The following SLC12A9 variants were observed in gnomAD, a reference collection of about 807,000 sequenced individuals.
SLC12A9 encodes the protein CCC-interacting protein 1.
Under a neutral mutation model 66.0 loss-of-function variants are expected in SLC12A9, and 55 were observed. The ratio of observed to expected loss-of-function variants is 0.83; its 90% CI spans 0.67 to 1.04. SLC12A9 has a LOEUF of 1.04. Among genes scored for constraint, SLC12A9 ranks in the 50% least tolerant of loss-of-function variants. SLC12A9 has a pLI of 0.00. For synonymous variants in SLC12A9, 577 were observed against 569.0 expected, an observed-to-expected ratio of 1.01 and a Z score of -0.20; for missense variants, 1,061 against 1,241.9, an observed-to-expected ratio of 0.85 and a Z score of 2.19.
chr7:100,840,992 CA>C (rs1029139132), intron 1 of SLC12A9, among the ~76,000 whole-genome samples: 7 of 135,006 alleles, frequency 5.2e-5, no homozygotes, highest in Non-Finnish European at 4.8e-5. Flanking sequence ...TTGCTAACAA[CA>C]AAAAAAAAGT....
At chr7:100,844,201 A>G (rs1275592203) in intron 1 of SLC12A9, among the ~76,000 whole-genome samples, 1 of 152,202 alleles carries the variant, frequency 6.6e-6, no homozygotes, top group African/African-American at 2.4e-5. Context: ...CTATGGTCCT[A>G]TTATTTTACA....
At chr7:100,828,138 T>A (rs1225599517) in intron 1 of SLC12A9, among the ~76,000 whole-genome samples, 1 of 152,144 alleles carries the variant, frequency 6.6e-6, no homozygotes, top group East Asian at 1.9e-4. Context: ...AAACATTCAG[T>A]GTTGGGGACC....
At chr7:100,850,814 T>C (rs1357015429), upstream of SLC12A9, among the ~76,000 whole-genome samples, 1 of 150,934 alleles carries the variant, frequency 6.6e-6, no homozygotes, top group African/African-American at 2.4e-5. Context: ...CCGCCTCCCG[T>C]GTTCAAGCTA....
intron 3 of SLC12A9, 64 bp downstream of exon 3, chr7:100,854,818 G>T (rs769474914): frequency 1.3e-6 from 2 of 1,589,132 alleles, no homozygotes; most frequent in Admixed American, 1.8e-5. Flanking sequence ...GGTGTGGAAG[G>T]GGCCATTACC....
At chr7:100,865,149 C>A in intron 13 of SLC12A9, 2 of 975,528 alleles carry the variant, frequency 2.1e-6, no homozygotes, top group South Asian at 1.4e-5. Flanking sequence ...GTAGAGATAG[C>A]ATTTCACCGT....
chr7:100,837,962 G>A (rs1475672345), intron 1 of SLC12A9, among the ~76,000 whole-genome samples: 1 of 141,190 alleles, frequency 7.1e-6, no homozygotes, highest in Non-Finnish European at 1.5e-5. Flanking sequence ...CTGGGTTCAC[G>A]CCATTCTCCT....
intron 1 of SLC12A9, among the ~76,000 whole-genome samples, chr7:100,827,795 G>A (rs1207023372): frequency 6.6e-6 from 1 of 152,210 alleles, no homozygotes; most frequent in Non-Finnish European, 1.5e-5. Flanking sequence ...CGAGCATGTC[G>A]GGGCTGGGGC....
At position 100,854,726 on chromosome 7, in the gene SLC12A9, T is replaced by C. The variant is rs1281007472; in HGVS notation, c.288T>C (p.Asn96=). 1 of 1,614,082 alleles carries C rather than the reference T, an allele frequency of 6.2e-7. No homozygotes were observed. The highest frequency in any genetic ancestry group is 2.2e-5 in the East Asian group (1 of 44,876). ...TVLSVCAIAT[N]GAVQGGGAYF... is the part of the protein sequence containing the mutation. The stretch of plus-strand genomic sequence containing the variant: ...TCTCTGTCTGTGCCATCGCCACCAA[T>C]GGAGCCGTGCAGGGGGGCGGAGCCT... The change falls in exon 3 of 14, where the codon AAT becomes AAC. Residue 96 remains asparagine, a synonymous_variant. Transcript: ENST00000354161.
intron 13 of SLC12A9, among the ~76,000 whole-genome samples, chr7:100,863,594 G>A (rs1242159164): frequency 1.3e-5 from 2 of 152,184 alleles, no homozygotes; most frequent in Non-Finnish European, 2.9e-5. Context: ...TTGGGATGTA[G>A]GAGATGTAAC....
chr7:100,832,397 T>TCA (rs1277666014), intron 1 of SLC12A9, among the ~76,000 whole-genome samples: 1 of 151,856 alleles, frequency 6.6e-6, no homozygotes, highest in Non-Finnish European at 1.5e-5. Context: ...CTATGGTCTC[T>TCA]CAGACACTGG....
chr7:100,865,642 G>C, intron 13 of SLC12A9, 77 bp from the exon 14 acceptor site: 1 of 1,556,908 alleles, frequency 6.4e-7, no homozygotes, highest in Non-Finnish European at 8.7e-7. Flanking sequence ...CTTGCTGTCA[G>C]TGTGTGGGAG....
At chr7:100,857,987 G>A (rs141115878) in intron 5 of SLC12A9, 1,538 of 152,102 alleles carry the variant, frequency 0.01, 17 homozygotes, top group African/African-American at 0.035. Flanking sequence ...GTGGTGGTGC[G>A]CACCTGTAGT....
chr7:100,861,878 T>G lies in SLC12A9; in HGVS notation c.1678T>G (p.Tyr560Asp). 6.2e-7 allele frequency: 1 copy of G among 1,612,516 alleles called. No individual in the cohort carries two copies. Among genetic ancestry groups the G allele is most frequent in the Non-Finnish European group, 8.5e-7 (1 of 1,179,284 alleles). Reference protein sequence around the residue: ...LANQLKKGGLYVLGHVTLGDL... With the variant: ...LANQLKKGGLDVLGHVTLGDL... ...CAACCAGCTTAAGAAGGGGGGGCTG[T>G]ATGTGCTGGGCCACGTCACCCTGGG... Residue 560 changes from tyrosine (Y) to aspartate (D), a missense_variant, in exon 12 of 14, where the codon TAT becomes GAT. By Grantham distance (160) the Tyr-to-Asp change is radical. Coordinates refer to ENST00000354161, the MANE Select transcript of SLC12A9 (RefSeq NM_020246.4). This position sits in a 1 kb window ranked among gnomAD's most constrained non-coding sequence, Gnocchi z 5.3.
rs1349808492 is a variant in SLC12A9 at position 100,861,195 on chromosome 7, C to T, written c.1276C>T (p.Leu426=). ...GGCTGCTGTGGTCACTGTCTTCTAC[C>T]TGGTGGCCTATGCTGCCGTGGACCT... ...TLAAVVTVFY[L]VAYAAVDLSC... Residue 426 remains leucine, a synonymous_variant, in exon 10 of 14, where the codon CTG becomes TTG. Coordinates refer to ENST00000354161, the MANE Select transcript of SLC12A9 (RefSeq NM_020246.4). This position sits in a 1 kb window ranked among gnomAD's most constrained non-coding sequence, Gnocchi z 5.3. 1 of 1,614,112 alleles carries T rather than the reference C, an allele frequency of 6.2e-7. No individual in the cohort carries two copies. The highest frequency in any genetic ancestry group is 2.2e-5 in the East Asian group (1 of 44,886).
chr7:100,866,393 C>G lies in SLC12A9; in HGVS notation c.2533C>G (p.Gln845Glu), dbSNP rs994911013. Reference protein sequence around the residue: ...RSANALVRAQQGRGTGGGPGG... With the variant: ...RSANALVRAQEGRGTGGGPGG... The stretch of plus-strand genomic sequence containing the variant: ...CGCCAACGCCCTGGTTCGGGCCCAG[C>G]AGGGGCGCGGCACAGGAGGAGGGCC... The change falls in exon 14 of 14, where the codon CAG becomes GAG. Residue 845 changes from glutamine (Q) to glutamate (E), a missense_variant. Transcript: ENST00000354161. The surrounding 1 kb of genome is among the most constrained non-coding windows in gnomAD (Gnocchi z 7.3). 3 of 1,533,192 alleles carry G rather than the reference C, an allele frequency of 2.0e-6. No homozygotes were observed. Among genetic ancestry groups the G allele is most frequent in the African/African-American group, 2.7e-5 (2 of 72,758 alleles). 95.0% of individuals were successfully genotyped at this position (1,533,192 alleles called of 1,614,324 possible).
intron 3 of SLC12A9, 92 bp downstream of exon 3, chr7:100,854,846 A>C: frequency 6.6e-7 from 1 of 1,523,644 alleles, no homozygotes; most frequent in Non-Finnish European, 8.8e-7. Context: ...GCTCAGGGGC[A>C]AGACAAGTGT....
rs751214100 is a variant in SLC12A9 at position 100,859,909 on chromosome 7, G to T, written c.1002G>T (p.Gly334=). Residue 334 remains glycine (G), a synonymous_variant, in exon 8 of 14, where the codon GGG becomes GGT. Transcript: ENST00000354161. ...GGACCCTGCTGCAGGAAGACTATGGGTTCTTCCGCGCCATCAGCCTGTGGC... is the reference window on the plus strand; with the variant it reads ...GGACCCTGCTGCAGGAAGACTATGGTTTCTTCCGCGCCATCAGCCTGTGGC... ...CDRTLLQEDY[G]FFRAISLWPP... is the part of the protein sequence containing the mutation. 1 of 1,604,604 alleles carries T rather than the reference G, an allele frequency of 6.2e-7. No homozygotes were observed. The highest frequency in any genetic ancestry group is 1.3e-5 in the African/African-American group (1 of 74,740).
intron 13 of SLC12A9, among the ~76,000 whole-genome samples, chr7:100,864,664 A>T (rs907739990): frequency 3.3e-5 from 5 of 152,144 alleles, no homozygotes; most frequent in Non-Finnish European, 7.4e-5. Flanking sequence ...CTCACGCTGG[A>T]TGGAGGCGGA....
In SLC12A9 at chr7:100,861,531, C is replaced by T. The variant is rs760730107; in HGVS notation, c.1483C>T (p.Arg495Ter). 17 of 1,613,676 alleles carry T rather than the reference C, an allele frequency of 1.1e-5. No homozygotes were observed. Among genetic ancestry groups the T allele is most frequent in the African/African-American group, 2.7e-5 (2 of 74,920 alleles). ...MGLLAALLTA[R>*]GGPSSWGYVS... ...TCTGCTGGCTGCCCTGCTCACCGCG[C>T]GAGGAGGCCCCAGTAGCTGGGGCTA... Residue 495 changes from arginine to a stop codon, truncating the protein, a stop_gained, in exon 11 of 14, where the codon CGA becomes TGA. Transcript: ENST00000354161. LOFTEE classifies it high-confidence loss of function. The surrounding 1 kb of genome is among the most constrained non-coding windows in gnomAD (Gnocchi z 5.3).
Sources: allele counts gnomAD v4.1 joint callset (sites outside exome capture counted in the v4.1 genomes callset), GRCh38; gene constraint gnomAD v4.1.1; non-coding constraint Gnocchi (gnomAD v3.1); transcripts MANE v1.5; gene names NCBI Gene and HGNC (gene_info 2026-07-23, HGNC 2026-07-21).